The following PIBF1 variants were observed in gnomAD, a reference collection of about 807,000 sequenced individuals.
PIBF1 encodes progesterone immunomodulatory binding factor 1, also known as progesterone-induced-blocking factor 1.
Under a neutral mutation model 112.5 loss-of-function variants are expected in PIBF1, and 90 were observed. The observed-to-expected ratio is 0.80, with a 90% confidence interval of 0.67 to 0.95. The LOEUF is 0.95. PIBF1 is among the 40% of genes least tolerant of loss of function. The pLI is 0.00. For synonymous variants in PIBF1, 301 were observed against 288.6 expected (o/e 1.04, Z -0.44); for missense variants, 915 against 852.3 (o/e 1.07, Z -0.92).
chr13:72,993,814 A>G (rs903636883), intron 16 of PIBF1, among the ~76,000 whole-genome samples: 15 of 152,034 alleles, frequency 9.9e-5, no homozygotes, highest in Admixed American at 7.2e-4. Context: ...AAGACAGAGC[A>G]GTAATACCAT....
intron 16 of PIBF1, among the ~76,000 whole-genome samples, chr13:72,991,508 A>G (rs567592653): frequency 4.6e-5 from 7 of 152,306 alleles, no homozygotes; most frequent in Admixed American, 2.6e-4. Context: ...TTGATATACT[A>G]GAATTACAAC....
chr13:73,010,229 GTTT>G (rs35486011), intron 17 of PIBF1, among the ~76,000 whole-genome samples: 2 of 123,540 alleles, frequency 1.6e-5, no homozygotes, highest in African/African-American at 3.1e-5. Flanking sequence ...TTCTATGCTA[GTTT>G]TTTTTTTTTT....
intron 13 of PIBF1, among the ~76,000 whole-genome samples, chr13:72,926,788 G>A (rs1162793930): frequency 6.6e-6 from 1 of 152,054 alleles, no homozygotes; most frequent in East Asian, 1.9e-4. Context: ...AGATTAGTTA[G>A]TATAGTTTTT....
intron 16 of PIBF1, among the ~76,000 whole-genome samples, chr13:72,988,857 T>C (rs995248163): frequency 6.6e-6 from 1 of 151,978 alleles, no homozygotes; most frequent in African/African-American, 2.4e-5. Context: ...GCCAACATGG[T>C]GAAACCCTGT....
At position 73,013,451 on chromosome 13, in the gene PIBF1, G is replaced by GA. The variant is rs938133011; in HGVS notation, c.2224-2411dup. On this transcript the variant is annotated intron_variant, in intron 17 of 17. Coordinates refer to ENST00000326291, the MANE Select transcript of PIBF1 (RefSeq NM_006346.4). Reference sequence around the variant, plus strand: ...ACCCAGAGAAAGATAAATGCAAAAAGAAAAAAACAAAAAACGAAAAACTAT... The same window carrying GA: ...ACCCAGAGAAAGATAAATGCAAAAAGAAAAAAAACAAAAAACGAAAAACTAT... Among the ~76,000 whole-genome samples, 26 of 150,358 alleles carry GA rather than the reference G, an allele frequency of 1.7e-4. No homozygotes were observed. In the Middle Eastern group the frequency reaches 0.014, roughly 79 times the overall value.
intron 10 of PIBF1, among the ~76,000 whole-genome samples, chr13:72,879,986 T>TA (rs2039557886): frequency 6.6e-6 from 1 of 152,334 alleles, no homozygotes; most frequent in African/African-American, 2.4e-5. Flanking sequence ...CTAAAATACT[T>TA]ACTCTTTGGT....
chr13:73,000,161 C>T (rs1027628494), intron 17 of PIBF1, among the ~76,000 whole-genome samples: 6 of 152,206 alleles, frequency 3.9e-5, no homozygotes, highest in Non-Finnish European at 5.9e-5. Flanking sequence ...GGACACAAGG[C>T]GGCTGAGTCC....
At chr13:72,895,965 G>T (rs752947258) in intron 11 of PIBF1, among the ~76,000 whole-genome samples, 1 of 152,156 alleles carries the variant, frequency 6.6e-6, no homozygotes, top group Non-Finnish European at 1.5e-5. Context: ...CAGCCCTTCA[G>T]TTTTCGTGGG....
intron 5 of PIBF1, among the ~76,000 whole-genome samples, chr13:72,800,361 A>G (rs1051064277): frequency 6.6e-6 from 1 of 152,274 alleles, no homozygotes; most frequent in African/African-American, 2.4e-5. Context: ...AACAATAAAT[A>G]GTACTACTCA....
intron 11 of PIBF1, among the ~76,000 whole-genome samples, chr13:72,901,839 C>A (rs1273754380): frequency 6.6e-6 from 1 of 152,100 alleles, no homozygotes; most frequent in Non-Finnish European, 1.5e-5. Context: ...ACCATTTGAT[C>A]CAGCAATCCC....
At chr13:72,968,148 C>T (rs1594288257) in intron 15 of PIBF1, among the ~76,000 whole-genome samples, 1 of 151,882 alleles carries the variant, frequency 6.6e-6, no homozygotes, top group East Asian at 2.0e-4. Flanking sequence ...TGCGCCACTG[C>T]ACTCCAACCT....
At chr13:72,838,271 A>G (rs1335197275) in intron 9 of PIBF1, among the ~76,000 whole-genome samples, 4 of 152,222 alleles carry the variant, frequency 2.6e-5, no homozygotes, top group African/African-American at 9.6e-5. Context: ...ATAGAGAAAC[A>G]ATTATCATAA....
chr13:73,015,120 A>G (rs1360119695), intron 17 of PIBF1, among the ~76,000 whole-genome samples: 1 of 149,762 alleles, frequency 6.7e-6, no homozygotes, highest in African/African-American at 2.5e-5. Context: ...TCCCGTGTTA[A>G]CTGAGACTAC....
intron 10 of PIBF1, among the ~76,000 whole-genome samples, chr13:72,854,655 G>A (rs545841280): frequency 3.3e-5 from 5 of 152,144 alleles, no homozygotes; most frequent in African/African-American, 7.2e-5. Context: ...TGTTACTATC[G>A]TGAATAAAGC....
At chr13:72,954,326 C>T (rs546086356) in intron 14 of PIBF1, among the ~76,000 whole-genome samples, 46 of 152,234 alleles carry the variant, frequency 3.0e-4, no homozygotes, top group Non-Finnish European at 5.0e-4. Context: ...CCTCCCTATC[C>T]ACCTGCGAAG....
intron 17 of PIBF1, among the ~76,000 whole-genome samples, chr13:73,008,196 G>C (rs749389698): frequency 6.6e-5 from 10 of 152,078 alleles, no homozygotes; most frequent in Non-Finnish European, 1.3e-4. Context: ...TTCACCAATC[G>C]AAGGATTGAA....
intron 17 of PIBF1, 39 bp from the exon 18 acceptor site, chr13:73,015,829 TA>T: frequency 1.5e-6 from 2 of 1,301,678 alleles, no homozygotes; most frequent in Non-Finnish European, 1.1e-6. Flanking sequence ...GTCCTCCTTG[TA>T]AGCATTTTAT....
At chr13:72,992,703 A>G (rs1481292149) in intron 16 of PIBF1, among the ~76,000 whole-genome samples, 1 of 152,092 alleles carries the variant, frequency 6.6e-6, no homozygotes, top group African/African-American at 2.4e-5. Flanking sequence ...TCCAGCTGCC[A>G]AGGAGGCTGA....
intron 6 of PIBF1, among the ~76,000 whole-genome samples, chr13:72,824,185 T>C (rs1265840453): frequency 6.6e-6 from 1 of 150,662 alleles, no homozygotes. Flanking sequence ...AGCTAATTTT[T>C]TTTTTTTTTT....
Sources: gnomAD v4.1 joint callset for allele counts (sites outside exome capture counted in the v4.1 genomes callset) on GRCh38, gnomAD v4.1.1 for gene constraint, MANE v1.5 for transcripts, NCBI Gene and HGNC (gene_info 2026-07-23, HGNC 2026-07-21) for gene names.